GRXCR1: variants seen among roughly 807,000 people sequenced by gnomAD.
The protein encoded by GRXCR1 is glutaredoxin and cysteine rich domain containing 1, also known as glutaredoxin domain-containing cysteine-rich protein 1.
A neutral mutation model predicts 27.3 loss-of-function variants in GRXCR1; 27 were observed. The observed-to-expected ratio is 0.99, with a 90% CI of 0.73 to 1.37. GRXCR1 has a LOEUF of 1.37. GRXCR1 is among the 40% of genes most tolerant of loss of function. The pLI is 0.00. For missense variants in GRXCR1, 379 were observed against 354.4 expected, an observed-to-expected ratio of 1.07 and a Z score of -0.56; for synonymous variants, 122 against 131.1, an observed-to-expected ratio of 0.93 and a Z score of 0.47.
In GRXCR1 at chr4:42,993,087, C is replaced by T. The variant is rs541903793; in HGVS notation, c.628-27267C>T. ...GGATTTCTCCCTTGCTATGTCCCCTCGTTCTCCCTCTGTTCCTTTCTTCTT... is the reference window on the plus strand; with the variant it reads ...GGATTTCTCCCTTGCTATGTCCCCTTGTTCTCCCTCTGTTCCTTTCTTCTT... On this transcript the variant is annotated intron_variant, in intron 2 of 3. Coordinates refer to ENST00000399770, the MANE Select transcript of GRXCR1 (RefSeq NM_001080476.3). 3.9e-5 allele frequency among the ~76,000 whole-genome samples: 6 copies of T among 152,220 alleles called. No individual in the cohort carries two copies. In the South Asian group the frequency reaches 6.2e-4, roughly 16 times the overall value.
rs779053724 is a variant in GRXCR1 at position 43,030,413 on chromosome 4, C to T, written c.746C>T (p.Pro249Leu). 2 of 1,613,928 alleles carry T rather than the reference C, an allele frequency of 1.2e-6. No individual in the cohort carries two copies. The highest frequency in any genetic ancestry group is 1.7e-6 in the Non-Finnish European group (2 of 1,179,986). Residue 249 changes from proline (P) to leucine (L), a missense_variant, in exon 4 of 4, where the codon CCA becomes CTA. Coordinates refer to ENST00000399770, the MANE Select transcript of GRXCR1 (RefSeq NM_001080476.3). ...CPSCGGFGFL[P>L]CSVCHGSKMS... Reference sequence around the variant, plus strand: ...TCTTGTGGAGGCTTTGGCTTTCTTCCATGCTCCGTGTGCCATGGGAGCAAG... The same window carrying T: ...TCTTGTGGAGGCTTTGGCTTTCTTCTATGCTCCGTGTGCCATGGGAGCAAG...
intron 2 of GRXCR1, among the ~76,000 whole-genome samples, chr4:42,976,908 C>T (rs1335334924): frequency 6.6e-6 from 1 of 152,064 alleles, no homozygotes; most frequent in Non-Finnish European, 1.5e-5. Flanking sequence ...CAATAGATCT[C>T]TTGTACTTAT....
intron 3 of GRXCR1, among the ~76,000 whole-genome samples, chr4:43,026,152 G>T (rs1055573004): frequency 6.6e-6 from 1 of 152,004 alleles, no homozygotes; most frequent in Non-Finnish European, 1.5e-5. Flanking sequence ...AACTTTGTCC[G>T]TGTTCTTTGG....
At chr4:42,932,597 TATATATATATATATATATATATAG>T (rs1415143102) in intron 1 of GRXCR1, among the ~76,000 whole-genome samples, 1 of 55,156 alleles carries the variant, frequency 1.8e-5, no homozygotes, top group Non-Finnish European at 3.4e-5. Context: ...TATATATATA[TATATATATATATATATATATATAG>T]AGAGAGAGAG....
chr4:42,940,555 T>G (rs534501006), intron 1 of GRXCR1, among the ~76,000 whole-genome samples: 3 of 152,234 alleles, frequency 2.0e-5, no homozygotes, highest in African/African-American at 7.2e-5. Flanking sequence ...TTTGGCATTT[T>G]GGAAGAAAAT....
chr4:42,895,539 A>G (rs1009979175), intron 1 of GRXCR1, among the ~76,000 whole-genome samples: 11 of 152,158 alleles, frequency 7.2e-5, no homozygotes, highest in African/African-American at 2.7e-4. Context: ...GTTCTCTGGT[A>G]TCTCCAGGAC....
At chr4:42,961,979 G>A (rs1326533992) in intron 1 of GRXCR1, among the ~76,000 whole-genome samples, 1 of 151,918 alleles carries the variant, frequency 6.6e-6, no homozygotes, top group Non-Finnish European at 1.5e-5. Context: ...TGGTCTCATG[G>A]TATAGTTGTG....
At chr4:42,965,373 CT>C (rs146127430) in intron 2 of GRXCR1, among the ~76,000 whole-genome samples, 4,657 of 152,100 alleles carry the variant, frequency 0.031, 78 homozygotes, top group South Asian at 0.058. Context: ...AAAATTACTT[CT>C]AAATCTTTAA....
intron 2 of GRXCR1, among the ~76,000 whole-genome samples, chr4:42,966,877 T>A (rs1258026500): frequency 1.3e-5 from 2 of 152,110 alleles, no homozygotes; most frequent in African/African-American, 4.8e-5. Flanking sequence ...TTGGCTCATG[T>A]TTAAGTCAAG....
intron 2 of GRXCR1, among the ~76,000 whole-genome samples, chr4:42,982,768 T>A (rs1376798077): frequency 6.7e-6 from 1 of 149,872 alleles, no homozygotes; most frequent in East Asian, 2.0e-4. Context: ...TGAGATGGTA[T>A]CTCATTGTGG....
Position 42,892,881 on chromosome 4 carries a change from A to G in GRXCR1, c.-386A>G, listed in dbSNP as rs2109733052. Among the ~76,000 whole-genome samples the G allele has an allele frequency of 6.6e-6, 1 of 152,240 alleles. No individual in the cohort carries two copies. Among genetic ancestry groups the G allele is most frequent in the East Asian group, 1.9e-4 (1 of 5,156 alleles). On this transcript the variant is annotated 5_prime_UTR_variant, in exon 1 of 4. Coordinates refer to ENST00000399770, the MANE Select transcript of GRXCR1 (RefSeq NM_001080476.3). ...GACAATGAATAGTAGAGACATGTCC[A>G]CTGCTCAGGTCCTTTTCAATGCCCA...
At chr4:42,956,749 C>G (rs913243768) in intron 1 of GRXCR1, among the ~76,000 whole-genome samples, 4 of 152,050 alleles carry the variant, frequency 2.6e-5, no homozygotes, top group African/African-American at 9.7e-5. Flanking sequence ...CCTGGGGGAA[C>G]TGTTTGTTTA....
intron 2 of GRXCR1, among the ~76,000 whole-genome samples, chr4:43,012,656 A>C (rs763203186): frequency 6.6e-6 from 1 of 152,200 alleles, no homozygotes; most frequent in African/African-American, 2.4e-5. Flanking sequence ...TCCTTACAAC[A>C]ACCCTATAAA....
Position 42,893,431 on chromosome 4 carries a change from A to G in GRXCR1, c.165A>G (p.Leu55=), listed in dbSNP as rs1746278173. 1 of 1,613,756 alleles carries G rather than the reference A, an allele frequency of 6.2e-7. No individual in the cohort carries two copies. Among genetic ancestry groups the G allele is most frequent in the Non-Finnish European group, 8.5e-7 (1 of 1,179,836 alleles). ...CCAGTATCTGTGGGATAGATGGACTAGGTGATTCCGATGGACAGCAGAATG... is the reference window on the plus strand; with the variant it reads ...CCAGTATCTGTGGGATAGATGGACTGGGTGATTCCGATGGACAGCAGAATG... ...ECASICGIDG[L]GDSDGQQNGH... The change falls in exon 1 of 4, where the codon CTA becomes CTG. Residue 55 remains leucine (L), a synonymous_variant. Transcript: ENST00000399770.
At chr4:42,939,466 C>T (rs1192602704) in intron 1 of GRXCR1, among the ~76,000 whole-genome samples, 1 of 151,918 alleles carries the variant, frequency 6.6e-6, no homozygotes, top group Non-Finnish European at 1.5e-5. Context: ...ATTTGACTTC[C>T]TCCTTTCCAA....
At chr4:42,924,063 C>T (rs922331121) in intron 1 of GRXCR1, among the ~76,000 whole-genome samples, 1 of 151,924 alleles carries the variant, frequency 6.6e-6, no homozygotes, top group African/African-American at 2.4e-5. Context: ...CCCTAGCTCA[C>T]CTAAAGTAGA....
intron 1 of GRXCR1, among the ~76,000 whole-genome samples, chr4:42,903,751 T>C (rs1378924836): frequency 7.7e-6 from 1 of 129,598 alleles, no homozygotes; most frequent in Non-Finnish European, 1.6e-5. Flanking sequence ...AATTACAAGC[T>C]GATTTTTTTT....
intron 2 of GRXCR1, among the ~76,000 whole-genome samples, chr4:42,987,686 T>G (rs1373059800): frequency 6.6e-6 from 1 of 152,150 alleles, no homozygotes; most frequent in Non-Finnish European, 1.5e-5. Context: ...ACCTGACATA[T>G]AACCATGTTG....
At chr4:42,944,518 C>T (rs1390317652) in intron 1 of GRXCR1, among the ~76,000 whole-genome samples, 1 of 151,904 alleles carries the variant, frequency 6.6e-6, no homozygotes, top group Non-Finnish European at 1.5e-5. Context: ...TATAGTCTTG[C>T]CATTCATTTT....
Sources: gnomAD v4.1 joint callset for allele counts (sites outside exome capture counted in the v4.1 genomes callset) on GRCh38, gnomAD v4.1.1 for gene constraint, MANE v1.5 for transcripts, NCBI Gene and HGNC (gene_info 2026-07-23, HGNC 2026-07-21) for gene names.